DCC: variants seen among roughly 807,000 people sequenced by gnomAD.
The protein encoded by DCC is netrin receptor DCC.
DCC carries 58 observed loss-of-function variants against 172.5 expected under a neutral mutation model. The observed-to-expected ratio is 0.34, with a 90% CI of 0.27 to 0.42. The LOEUF (loss-of-function observed/expected upper bound fraction) is 0.42. DCC is among the 10% of genes least tolerant of loss of function. The pLI, the probability that DCC is intolerant of heterozygous loss-of-function variation, is 1.00. For missense variants in DCC, 1,740 were observed against 1,791.0 expected, an observed-to-expected ratio of 0.97 and a Z score of 0.51; for synonymous variants, 709 against 644.5, an observed-to-expected ratio of 1.10 and a Z score of -1.52.
intron 1 of DCC, among the ~76,000 whole-genome samples, chr18:52,622,526 C>T (rs942232348): frequency 3.9e-5 from 6 of 152,160 alleles, no homozygotes; most frequent in South Asian, 2.1e-4. Flanking sequence ...TTATCGACAT[C>T]GTTGGCACCA....
chr18:52,684,326 CT>C (rs2035794767), intron 1 of DCC, among the ~76,000 whole-genome samples: 1 of 151,758 alleles, frequency 6.6e-6, no homozygotes. Context: ...AAAAATGTGA[CT>C]GAATTTTTCC....
intron 1 of DCC, among the ~76,000 whole-genome samples, chr18:52,547,118 C>T (rs2032638615): frequency 6.6e-6 from 1 of 152,118 alleles, no homozygotes; most frequent in Non-Finnish European, 1.5e-5. Context: ...CTTTGAAATG[C>T]TAATAAAATG....
At chr18:53,142,549 G>T (rs12457233) in intron 7 of DCC, among the ~76,000 whole-genome samples, 1 of 151,954 alleles carries the variant, frequency 6.6e-6, no homozygotes, top group Non-Finnish European at 1.5e-5. Flanking sequence ...CCACATTAGC[G>T]CTGATCTTTA....
chr18:52,347,045 G>C (rs1231797129), intron 1 of DCC, among the ~76,000 whole-genome samples: 1 of 152,158 alleles, frequency 6.6e-6, no homozygotes, highest in Non-Finnish European at 1.5e-5. Flanking sequence ...GTTCTTGCCT[G>C]AAGGCTACTC....
At chr18:52,698,681 C>A (rs1266083437) in intron 1 of DCC, among the ~76,000 whole-genome samples, 1 of 152,084 alleles carries the variant, frequency 6.6e-6, no homozygotes, top group Non-Finnish European at 1.5e-5. Flanking sequence ...TCACTGCAAC[C>A]TCCACCTCCC....
At chr18:52,575,091 C>T (rs1356268287) in intron 1 of DCC, among the ~76,000 whole-genome samples, 1 of 152,096 alleles carries the variant, frequency 6.6e-6, no homozygotes, top group Non-Finnish European at 1.5e-5. Context: ...TGGAATTTAG[C>T]AGCCCATTTA....
chr18:53,340,451 A>G (rs980435925), intron 15 of DCC, among the ~76,000 whole-genome samples: 3 of 152,206 alleles, frequency 2.0e-5, no homozygotes, highest in Non-Finnish European at 2.9e-5. Flanking sequence ...TTTTCAGTCA[A>G]GACAATACAT....
chr18:52,918,665 T>C (rs2040075238), intron 3 of DCC, among the ~76,000 whole-genome samples: 1 of 152,072 alleles, frequency 6.6e-6, no homozygotes. Context: ...ACCTTGAAAA[T>C]TGCATCTTTA....
chr18:53,297,617 A>C (rs2144762755), intron 12 of DCC, among the ~76,000 whole-genome samples: 1 of 152,334 alleles, frequency 6.6e-6, no homozygotes, highest in Middle Eastern at 3.4e-3. Flanking sequence ...TGTTTTACAA[A>C]AATGTTCCCG....
chr18:52,366,827 C>T (rs1027080335), intron 1 of DCC, among the ~76,000 whole-genome samples: 2 of 152,258 alleles, frequency 1.3e-5, no homozygotes, highest in Non-Finnish European at 2.9e-5. Flanking sequence ...GACTCAGGAG[C>T]CCAGCTAGCT....
chr18:52,840,964 GA>G (rs5741773), intron 2 of DCC, among the ~76,000 whole-genome samples: 46,176 of 151,112 alleles, frequency 0.31, 8,266 homozygotes, highest in Non-Finnish European at 0.42. Context: ...ATGCTATGAT[GA>G]AAAAAAAAAG....
intron 7 of DCC, among the ~76,000 whole-genome samples, chr18:53,112,203 G>T (rs977127915): frequency 6.6e-6 from 1 of 151,204 alleles, no homozygotes; most frequent in African/African-American, 2.4e-5. Flanking sequence ...TAAAAACACC[G>T]CTAACATTGA....
intron 1 of DCC, among the ~76,000 whole-genome samples, chr18:52,432,448 T>G (rs1987656084): frequency 6.6e-6 from 1 of 152,174 alleles, no homozygotes; most frequent in South Asian, 2.1e-4. Context: ...CCCTCCTGCT[T>G]CTCACATCTA....
chr18:53,266,877 A>G (rs2056681217), intron 12 of DCC, among the ~76,000 whole-genome samples: 1 of 151,980 alleles, frequency 6.6e-6, no homozygotes, highest in Admixed American at 6.6e-5. Context: ...TGATTGCTGC[A>G]TAATATTCTA....
chr18:52,915,447 T>G (rs9964756), intron 3 of DCC, among the ~76,000 whole-genome samples: 126,396 of 152,000 alleles, frequency 0.83, 53,245 homozygotes, highest in Admixed American at 0.9. Context: ...CCCCTCAGTA[T>G]GTCACACACA....
At chr18:53,125,837 C>G (rs1245695348) in intron 7 of DCC, among the ~76,000 whole-genome samples, 1 of 152,100 alleles carries the variant, frequency 6.6e-6, no homozygotes, top group African/African-American at 2.4e-5. Context: ...ACATCATATA[C>G]AAGAGATAAA....
intron 5 of DCC, among the ~76,000 whole-genome samples, chr18:52,993,090 A>G (rs2041421419): frequency 6.6e-6 from 1 of 152,120 alleles, no homozygotes; most frequent in Non-Finnish European, 1.5e-5. Context: ...TTTTTTCTAA[A>G]TGATTGTTCT....
At chr18:52,429,319 A>C (rs1393665550) in intron 1 of DCC, among the ~76,000 whole-genome samples, 1 of 152,116 alleles carries the variant, frequency 6.6e-6, no homozygotes, top group Admixed American at 6.6e-5. Context: ...GGTAGGTGAC[A>C]AAGCTGAGAT....
chr18:52,944,636 T>C (rs916027854), intron 5 of DCC, among the ~76,000 whole-genome samples: 1 of 152,054 alleles, frequency 6.6e-6, no homozygotes, highest in Non-Finnish European at 1.5e-5. Flanking sequence ...AGAAACAGGA[T>C]CACATGGGAA....
Sources: allele counts gnomAD v4.1 joint callset (sites outside exome capture counted in the v4.1 genomes callset), GRCh38; gene constraint gnomAD v4.1.1; transcripts MANE v1.5; gene names NCBI Gene and HGNC (gene_info 2026-07-23, HGNC 2026-07-21).